EBF2: variants seen among roughly 807,000 people sequenced by gnomAD.
EBF2 encodes the protein transcription factor COE2.
Under a neutral mutation model 72.8 loss-of-function variants are expected in EBF2, and 21 were observed. The observed-to-expected ratio is 0.29, with a 90% CI of 0.20 to 0.42. EBF2 has a LOEUF of 0.42. Among genes scored for constraint, EBF2 ranks in the 10% least tolerant of loss-of-function variants. EBF2 has a pLI of 1.00. For missense variants in EBF2, 637 were observed against 731.2 expected (o/e 0.87, Z 1.49); for synonymous variants, 299 against 274.2 (o/e 1.09, Z -0.89).
intron 6 of EBF2, among the ~76,000 whole-genome samples, chr8:25,989,277 C>T (rs1307247456): frequency 6.6e-6 from 1 of 152,166 alleles, no homozygotes; most frequent in Non-Finnish European, 1.5e-5. Context: ...TGGGTGTTGA[C>T]AGATAACAAA....
At chr8:26,035,395 C>T (rs6987851) in intron 5 of EBF2, among the ~76,000 whole-genome samples, 146,822 of 152,168 alleles carry the variant, frequency 0.96, 70,832 homozygotes, top group East Asian at 1. Context: ...AGCCATCTGC[C>T]CACATCGGCC....
At chr8:25,898,666 T>G (rs1563393155) in intron 7 of EBF2, among the ~76,000 whole-genome samples, 1 of 152,180 alleles carries the variant, frequency 6.6e-6, no homozygotes, top group Non-Finnish European at 1.5e-5. Context: ...GCAAAAGTTT[T>G]GAGAGCCACA....
intron 7 of EBF2, among the ~76,000 whole-genome samples, chr8:25,892,109 A>G (rs1456461605): frequency 6.6e-6 from 1 of 152,214 alleles, no homozygotes; most frequent in Admixed American, 6.5e-5. Flanking sequence ...AGAGAATATC[A>G]AACCCTATAT....
At chr8:26,043,738 G>T (rs1300867518) in intron 1 of EBF2, among the ~76,000 whole-genome samples, 1 of 152,184 alleles carries the variant, frequency 6.6e-6, no homozygotes, top group Admixed American at 6.5e-5. Context: ...CTTAAATGTG[G>T]GTGGCCAGGA....
intron 6 of EBF2, among the ~76,000 whole-genome samples, chr8:26,006,289 A>G (rs1563206400): frequency 6.6e-6 from 1 of 152,184 alleles, no homozygotes; most frequent in Non-Finnish European, 1.5e-5. Context: ...GGCACATTTT[A>G]CAGAGTAGTA....
At chr8:25,977,471 G>C (rs1242849674) in intron 6 of EBF2, among the ~76,000 whole-genome samples, 1 of 152,046 alleles carries the variant, frequency 6.6e-6, no homozygotes, top group Non-Finnish European at 1.5e-5. Flanking sequence ...AGTGATAATT[G>C]ATTTTCCAAG....
intron 6 of EBF2, among the ~76,000 whole-genome samples, chr8:25,983,342 G>A (rs79517919): frequency 1.3e-5 from 2 of 152,292 alleles, no homozygotes; most frequent in Admixed American, 6.5e-5. Context: ...AAAGACGGAA[G>A]GGGACACACA....
chr8:25,975,735 AG>A (rs1804258330), intron 6 of EBF2, among the ~76,000 whole-genome samples: 1 of 152,164 alleles, frequency 6.6e-6, no homozygotes. Context: ...CATTTTAAAA[AG>A]TTTTATTTTC....
intron 6 of EBF2, among the ~76,000 whole-genome samples, chr8:25,989,414 A>G (rs544822236): frequency 6.6e-6 from 1 of 152,368 alleles, no homozygotes; most frequent in South Asian, 2.1e-4. Context: ...GTAAACTTGT[A>G]AAAGGGCAAG....
chr8:25,844,690 CAAGGCTATG>C, intron 15 of EBF2, 50 bp from the exon 16 acceptor site: 1 of 1,609,144 alleles, frequency 6.2e-7, no homozygotes, highest in African/African-American at 1.3e-5. Flanking sequence ...TTTTTATGTT[CAAGGCTATG>C]ACACAGAATG....
intron 6 of EBF2, among the ~76,000 whole-genome samples, chr8:25,992,402 G>A (rs911982342): frequency 1.3e-5 from 2 of 150,788 alleles, no homozygotes; most frequent in Admixed American, 1.3e-4. Context: ...AGCCAGGAGT[G>A]GAGAAAGTCT....
intron 7 of EBF2, among the ~76,000 whole-genome samples, chr8:25,898,729 T>C (rs1203994955): frequency 3.3e-5 from 5 of 152,154 alleles, no homozygotes; most frequent in African/African-American, 1.2e-4. Flanking sequence ...GGCATTCTTG[T>C]CTAGGAAGCT....
chr8:25,937,380 T>C (rs1286039570), intron 6 of EBF2, among the ~76,000 whole-genome samples: 1 of 152,320 alleles, frequency 6.6e-6, no homozygotes, highest in South Asian at 2.1e-4. Flanking sequence ...TCAGCAGCCC[T>C]CCCTGTAGTG....
intron 6 of EBF2, among the ~76,000 whole-genome samples, chr8:25,997,788 T>C (rs929570840): frequency 1.3e-5 from 2 of 152,040 alleles, no homozygotes; most frequent in Non-Finnish European, 1.5e-5. Context: ...GGCAATCCCA[T>C]AGAACCAGTT....
At chr8:26,016,755 C>T (rs978257835) in intron 6 of EBF2, among the ~76,000 whole-genome samples, 17 of 152,238 alleles carry the variant, frequency 1.1e-4, no homozygotes, top group African/African-American at 3.9e-4. Context: ...CTTTCTCTTG[C>T]TCACTCTCTC....
chr8:25,856,759 C>G (rs1802102583), intron 14 of EBF2, among the ~76,000 whole-genome samples: 2 of 152,170 alleles, frequency 1.3e-5, no homozygotes, highest in Non-Finnish European at 2.9e-5. Context: ...ATCTCAGTAA[C>G]AGAAATAGCC....
intron 6 of EBF2, among the ~76,000 whole-genome samples, chr8:25,945,068 C>T (rs763359297): frequency 1.3e-5 from 2 of 150,028 alleles, no homozygotes; most frequent in South Asian, 2.1e-4. Flanking sequence ...ATTATTCAAG[C>T]GTGAAAAGAT....
intron 6 of EBF2, among the ~76,000 whole-genome samples, chr8:26,001,461 A>G (rs946451848): frequency 6.6e-6 from 1 of 152,170 alleles, no homozygotes; most frequent in Non-Finnish European, 1.5e-5. Context: ...GTCTTAGCAG[A>G]TGTGCTTTCT....
chr8:26,037,331 A>C (rs1805520579), intron 5 of EBF2, among the ~76,000 whole-genome samples: 1 of 152,220 alleles, frequency 6.6e-6, no homozygotes, highest in African/African-American at 2.4e-5. Context: ...ACTCCAGCTC[A>C]CGACAAGCGA....
Sources: gnomAD v4.1 joint callset for allele counts (sites outside exome capture counted in the v4.1 genomes callset) on GRCh38, gnomAD v4.1.1 for gene constraint, MANE v1.5 for transcripts, NCBI Gene and HGNC (gene_info 2026-07-23, HGNC 2026-07-21) for gene names.